Variants in HDAC4 observed in about 807,000 individuals in gnomAD.
HDAC4 encodes the protein histone deacetylase 4.
HDAC4 carries 16 observed loss-of-function variants against 135.1 expected under a neutral mutation model. The ratio of observed to expected loss-of-function variants is 0.12; its 90% CI spans 0.08 to 0.18. HDAC4 has a LOEUF of 0.18. Ranked by LOEUF, HDAC4 falls within the 10% of genes least tolerant of loss-of-function variation. The pLI, the probability that HDAC4 is intolerant of heterozygous loss-of-function variation, is 1.00. For synonymous variants in HDAC4, 685 were observed against 653.4 expected (o/e 1.05, Z -0.74); for missense variants, 1,143 against 1,511.8 (o/e 0.76, Z 4.05).
intron 2 of HDAC4, among the ~76,000 whole-genome samples, chr2:239,319,299 G>GA (rs1438015233): frequency 1.3e-5 from 2 of 152,270 alleles, no homozygotes; most frequent in Non-Finnish European, 2.9e-5. Flanking sequence ...CCTCCCGTTA[G>GA]CTGCTGGAAG....
chr2:239,304,757 C>T (rs1415836015), intron 2 of HDAC4, among the ~76,000 whole-genome samples: 1 of 152,162 alleles, frequency 6.6e-6, no homozygotes, highest in Non-Finnish European at 1.5e-5. Context: ...TTCTGAATCT[C>T]CTTAATGGAG....
chr2:239,373,606 G>C (rs1694788045), intron 1 of HDAC4, among the ~76,000 whole-genome samples: 1 of 152,152 alleles, frequency 6.6e-6, no homozygotes. Context: ...TGGGATTACA[G>C]GCGTGCACCA....
At chr2:239,158,862 A>T (rs1200390056) in intron 6 of HDAC4, among the ~76,000 whole-genome samples, 2 of 152,072 alleles carry the variant, frequency 1.3e-5, no homozygotes, top group East Asian at 3.8e-4. Context: ...GGGCGAGCAG[A>T]AGTGAAGCTC....
intron 15 of HDAC4, among the ~76,000 whole-genome samples, chr2:239,106,690 G>A (rs1355573987): frequency 1.3e-5 from 2 of 152,258 alleles, no homozygotes; most frequent in South Asian, 4.1e-4. Flanking sequence ...AGGAAACGGG[G>A]GGTAAGATGA....
At chr2:239,218,188 A>G (rs1211384127) in intron 3 of HDAC4, among the ~76,000 whole-genome samples, 1 of 152,210 alleles carries the variant, frequency 6.6e-6, no homozygotes, top group East Asian at 1.9e-4. Flanking sequence ...ACAGAGTCAC[A>G]TGAAAATTAC....
chr2:239,172,984 C>G (rs1397657575), intron 5 of HDAC4, among the ~76,000 whole-genome samples: 3 of 152,106 alleles, frequency 2.0e-5, no homozygotes, highest in African/African-American at 7.2e-5. Context: ...GTCCCAGGAA[C>G]TATTTTAAAA....
chr2:239,193,774 G>A (rs2045176107), intron 3 of HDAC4, among the ~76,000 whole-genome samples: 1 of 152,260 alleles, frequency 6.6e-6, no homozygotes, highest in South Asian at 2.1e-4. Context: ...CCCAAGGTTG[G>A]CTGGCCGAGT....
At chr2:239,324,344 C>T (rs952850116) in intron 2 of HDAC4, among the ~76,000 whole-genome samples, 1 of 152,318 alleles carries the variant, frequency 6.6e-6, no homozygotes, top group South Asian at 2.1e-4. Flanking sequence ...AGGTCCTCAC[C>T]GCACAGTATC....
intron 25 of HDAC4, among the ~76,000 whole-genome samples, 188 bp downstream of exon 25, chr2:239,054,561 G>A (rs1398047437): frequency 6.6e-6 from 1 of 151,358 alleles, no homozygotes; most frequent in South Asian, 2.1e-4. Context: ...AAATCCAGTC[G>A]GGGTTAAATG....
At chr2:239,236,495 C>CT (rs2047895176) in intron 3 of HDAC4, 98 bp downstream of exon 3, 23 of 963,994 alleles carry the variant, frequency 2.4e-5, no homozygotes, top group Non-Finnish European at 3.4e-5. Context: ...CACCTCCCCC[C>CT]TCGCCCTCTC....
At chr2:239,351,534 C>T (rs77349060) in intron 2 of HDAC4, among the ~76,000 whole-genome samples, 18,336 of 152,254 alleles carry the variant, frequency 0.12, 2,898 homozygotes, top group East Asian at 0.68. Context: ...TGAGCCATAG[C>T]GCTTAATTTT....
At chr2:239,371,255 T>C (rs919644461) in intron 1 of HDAC4, among the ~76,000 whole-genome samples, 3 of 152,124 alleles carry the variant, frequency 2.0e-5, no homozygotes, top group Admixed American at 6.6e-5. Context: ...ACACATGACC[T>C]CAAACTCACA....
At chr2:239,137,325 C>T (rs777460163) in intron 9 of HDAC4, among the ~76,000 whole-genome samples, 14 of 152,330 alleles carry the variant, frequency 9.2e-5, no homozygotes, top group African/African-American at 2.4e-4. Flanking sequence ...CATCCAGGCA[C>T]GCGTGTAAAT....
At chr2:239,310,362 C>T (rs2125701938) in intron 2 of HDAC4, among the ~76,000 whole-genome samples, 1 of 152,332 alleles carries the variant, frequency 6.6e-6, no homozygotes, top group East Asian at 1.9e-4. Context: ...TGAGTGACAG[C>T]ATTGGTGTTT....
rs368738144 is a variant in HDAC4 at position 239,111,740 on chromosome 2, G to A, written c.1792-28C>T. The stretch of plus-strand genomic sequence containing the variant: ...GCGGGGAAGAAACGGCCGTGTTGGC[G>A]GTTGCGGATGTCTCCCGCCCCTGGG... On this transcript the variant is annotated intron_variant, in intron 13 of 26. Coordinates refer to ENST00000543185, the MANE Select transcript of HDAC4 (RefSeq NM_001378414.1). The A allele has an allele frequency of 1.8e-4, 284 of 1,565,178 alleles. No individual in the cohort carries two copies. In the African/African-American group the frequency reaches 2.3e-3, roughly 13 times the overall value.
chr2:239,343,751 G>T (rs939058479), intron 2 of HDAC4, among the ~76,000 whole-genome samples: 2 of 152,198 alleles, frequency 1.3e-5, no homozygotes, highest in Admixed American at 6.5e-5. Flanking sequence ...TCAGGTCCCA[G>T]GTGCCCAGTG....
chr2:239,244,571 GC>G lies in HDAC4; in HGVS notation c.23-7908del, dbSNP rs575171014. 2.2e-4 allele frequency among the ~76,000 whole-genome samples: 33 copies of G among 152,308 alleles called. 1 individual carries two copies. In the South Asian group the frequency reaches 6.8e-3, roughly 32 times the overall value. ...AGTAGAATTTTACTGGCACTCTGAT[GC>G]CCTTGTTCAATTAAATTATAAAAGG... On this transcript the variant is annotated intron_variant, in intron 2 of 26. Coordinates refer to ENST00000543185, the MANE Select transcript of HDAC4 (RefSeq NM_001378414.1).
chr2:239,101,774 C>T (rs925095500), intron 16 of HDAC4, among the ~76,000 whole-genome samples: 3 of 151,118 alleles, frequency 2.0e-5, no homozygotes, highest in South Asian at 2.1e-4. Flanking sequence ...CCCTGGCCCT[C>T]GGTCTGGGTT....
intron 2 of HDAC4, among the ~76,000 whole-genome samples, chr2:239,329,015 T>C (rs1242334179): frequency 6.6e-6 from 1 of 152,206 alleles, no homozygotes; most frequent in Non-Finnish European, 1.5e-5. Context: ...TAAGCTGAGC[T>C]CCTTCCTCCA....
Sources: allele counts gnomAD v4.1 joint callset (sites outside exome capture counted in the v4.1 genomes callset), GRCh38; gene constraint gnomAD v4.1.1; transcripts MANE v1.5; gene names NCBI Gene and HGNC (gene_info 2026-07-23, HGNC 2026-07-21).